The following ITPR1 variants were observed in gnomAD, a reference collection of about 807,000 sequenced individuals.
ITPR1 encodes inositol 1,4,5-trisphosphate receptor type 1.
A neutral mutation model predicts 318.4 loss-of-function variants in ITPR1; 96 were observed. The observed-to-expected ratio is 0.30, with a 90% confidence interval of 0.26 to 0.36. The LOEUF (loss-of-function observed/expected upper bound fraction) is 0.36, where lower values mean the gene tolerates loss of function less well. Among genes scored for constraint, ITPR1 ranks in the 10% least tolerant of loss-of-function variants. The pLI, the probability that ITPR1 is intolerant of heterozygous loss-of-function variation, is 1.00. For synonymous variants in ITPR1, 1,312 were observed against 1,289.9 expected (o/e 1.02, Z -0.37); for missense variants, 2,440 against 3,460.2 (o/e 0.71, Z 7.40).
chr3:4,804,973 T>C (rs2048468203), intron 54 of ITPR1, among the ~76,000 whole-genome samples: 4 of 152,066 alleles, frequency 2.6e-5, no homozygotes, highest in Admixed American at 2.6e-4. Context: ...TCTGGCCTCC[T>C]CCTGAGCCAA....
chr3:4,686,694 G>C (rs1215644952), intron 30 of ITPR1, among the ~76,000 whole-genome samples: 1 of 152,224 alleles, frequency 6.6e-6, no homozygotes, highest in Non-Finnish European at 1.5e-5. Flanking sequence ...AAGAACGGTG[G>C]AGGAATCCCC....
At chr3:4,751,805 T>C (rs1260900333) in intron 44 of ITPR1, among the ~76,000 whole-genome samples, 1 of 152,212 alleles carries the variant, frequency 6.6e-6, no homozygotes, top group East Asian at 1.9e-4. Context: ...CATTATAAGG[T>C]GCCAACAGCT....
intron 44 of ITPR1, among the ~76,000 whole-genome samples, chr3:4,758,653 T>C (rs1431905732): frequency 6.6e-6 from 1 of 152,228 alleles, no homozygotes; most frequent in Non-Finnish European, 1.5e-5. Context: ...ACAGTTTGAT[T>C]AGGACTGTGA....
At chr3:4,602,336 A>G (rs2091350553) in intron 4 of ITPR1, among the ~76,000 whole-genome samples, 1 of 152,072 alleles carries the variant, frequency 6.6e-6, no homozygotes, top group Non-Finnish European at 1.5e-5. Context: ...CCTAGGCAAC[A>G]TGGCAAAACC....
At chr3:4,547,265 T>A (rs2085114042) in intron 4 of ITPR1, among the ~76,000 whole-genome samples, 1 of 152,246 alleles carries the variant, frequency 6.6e-6, no homozygotes, top group African/African-American at 2.4e-5. Context: ...AAGAAGCACA[T>A]AGATTTATCA....
intron 42 of ITPR1, among the ~76,000 whole-genome samples, chr3:4,731,257 T>C (rs577772045): frequency 3.9e-5 from 6 of 152,352 alleles, no homozygotes; most frequent in African/African-American, 1.4e-4. Flanking sequence ...TTTATACTGG[T>C]GCCTGAGACT....
intron 44 of ITPR1, among the ~76,000 whole-genome samples, chr3:4,738,958 G>C (rs1224991838): frequency 6.6e-6 from 1 of 152,224 alleles, no homozygotes; most frequent in Admixed American, 6.5e-5. Context: ...TGACCCCTGG[G>C]GGGCCCAGTC....
At chr3:4,789,519 A>G (rs1357831606) in intron 52 of ITPR1, among the ~76,000 whole-genome samples, 1 of 152,248 alleles carries the variant, frequency 6.6e-6, no homozygotes, top group Non-Finnish European at 1.5e-5. Context: ...TATGTTACAT[A>G]GGAGAAAACT....
intron 51 of ITPR1, among the ~76,000 whole-genome samples, chr3:4,784,726 C>CAAAAA (rs34856837): frequency 9.1e-6 from 1 of 109,504 alleles, no homozygotes; most frequent in Non-Finnish European, 1.8e-5. Flanking sequence ...ACTAAAAATA[C>CAAAAA]AAAAAAAAAA....
intron 39 of ITPR1, among the ~76,000 whole-genome samples, chr3:4,714,524 G>A (rs2041623484): frequency 6.6e-6 from 1 of 152,186 alleles, no homozygotes; most frequent in African/African-American, 2.4e-5. Context: ...CTGGGGCTAA[G>A]AGCTGAGAGA....
At chr3:4,531,872 C>G (rs2083442320) in intron 4 of ITPR1, among the ~76,000 whole-genome samples, 1 of 152,156 alleles carries the variant, frequency 6.6e-6, no homozygotes, top group Non-Finnish European at 1.5e-5. Flanking sequence ...ACTCTGAAGC[C>G]AGACCCTGTG....
intron 49 of ITPR1, among the ~76,000 whole-genome samples, chr3:4,781,204 G>A (rs939126607): frequency 4.6e-5 from 7 of 152,192 alleles, no homozygotes; most frequent in Non-Finnish European, 8.8e-5. Flanking sequence ...GCTGACATAC[G>A]TGGCCTTTGG....
intron 30 of ITPR1, among the ~76,000 whole-genome samples, chr3:4,685,646 T>C (rs936096209): frequency 2.0e-5 from 3 of 152,248 alleles, no homozygotes; most frequent in African/African-American, 7.2e-5. Context: ...GACATCTGCT[T>C]AAGTATTTGG....
intron 51 of ITPR1, among the ~76,000 whole-genome samples, chr3:4,785,043 C>A (rs2047094742): frequency 6.6e-6 from 1 of 152,198 alleles, no homozygotes; most frequent in Admixed American, 6.5e-5. Flanking sequence ...GCTGAAGCCA[C>A]ACATGTTGGT....
At position 4,827,027 on chromosome 3, in the gene ITPR1, C is replaced by G. The variant is rs369926421; in HGVS notation, c.8028+8785C>G. On this transcript the variant is annotated intron_variant, in intron 60 of 61. Coordinates refer to ENST00000649015, the MANE Select transcript of ITPR1 (RefSeq NM_001378452.1). ...CGCTTCACTGTGCATGAAACCACTT[C>G]TCCCCATTGGCTACTTCGTCCAACG... Among the ~76,000 whole-genome samples, 199 of 152,342 alleles carry G rather than the reference C, an allele frequency of 1.3e-3. 6 individuals carry two copies. The South Asian group carries it at 0.039, about 30-fold the overall frequency.
chr3:4,586,853 G>A (rs1486238053), intron 4 of ITPR1, among the ~76,000 whole-genome samples: 1 of 151,696 alleles, frequency 6.6e-6, no homozygotes, highest in Non-Finnish European at 1.5e-5. Context: ...GCCCTGCTTT[G>A]TTGCTATGCT....
At chr3:4,758,601 G>GATTTGTC (rs1009120059) in intron 44 of ITPR1, among the ~76,000 whole-genome samples, 4 of 152,168 alleles carry the variant, frequency 2.6e-5, no homozygotes, top group Admixed American at 2.0e-4. Context: ...TCATGGAGAA[G>GATTTGTC]ATTTGTCTCT....
rs370021605 is a variant in ITPR1, at chr3:4,699,931, C to G, written c.4526C>G (p.Thr1509Arg). The change falls in exon 35 of 62, where the codon ACG becomes AGG. Residue 1509 changes from threonine to arginine, a missense_variant. By Grantham distance (71) the Thr-to-Arg change is moderately conservative. Coordinates refer to ENST00000649015, the MANE Select transcript of ITPR1 (RefSeq NM_001378452.1). ...AGCTCTCCCTTCTCAGACCAGAGTA[C>G]GACTTTGCAGGTAAGAAATAACCAA... The part of the protein sequence containing the change: ...FFSSPFSDQS[T>R]TLQTRQPVFV... 4 of 1,613,114 alleles carry G rather than the reference C, an allele frequency of 2.5e-6. No homozygotes were observed. In the Admixed American group the frequency reaches 5.0e-5, roughly 20 times the overall value.
chr3:4,831,582 A>C (rs1035466205), intron 60 of ITPR1, among the ~76,000 whole-genome samples: 37 of 152,280 alleles, frequency 2.4e-4, no homozygotes, highest in African/African-American at 8.7e-4. Context: ...ATACACACAC[A>C]CACCCCAAGA....
Sources: allele counts gnomAD v4.1 joint callset (sites outside exome capture counted in the v4.1 genomes callset), GRCh38; gene constraint gnomAD v4.1.1; transcripts MANE v1.5; gene names NCBI Gene and HGNC (gene_info 2026-07-23, HGNC 2026-07-21).